PXDNL: variants seen among roughly 807,000 people sequenced by gnomAD.
PXDNL encodes the protein probable oxidoreductase PXDNL.
PXDNL carries 145 observed loss-of-function variants against 150.8 expected under a neutral mutation model. That is an observed-to-expected ratio of 0.96 (90% confidence interval 0.84 to 1.10). The LOEUF (loss-of-function observed/expected upper bound fraction) is 1.10. Ranked by LOEUF, PXDNL falls within the 50% of genes least tolerant of loss-of-function variation. The probability of loss-of-function intolerance (pLI) is 0.00; values close to 1 mark genes in which losing one functional copy is unlikely to be tolerated. For synonymous variants in PXDNL, 757 were observed against 725.7 expected (o/e 1.04, Z -0.69); for missense variants, 2,087 against 1,873.9 (o/e 1.11, Z -2.10).
intron 1 of PXDNL, among the ~76,000 whole-genome samples, chr8:51,773,684 T>A (rs1232750087): frequency 6.6e-6 from 1 of 152,270 alleles, no homozygotes; most frequent in South Asian, 2.1e-4. Flanking sequence ...GCTACAGTTT[T>A]ACAATGCTAG....
chr8:51,551,362 C>G (rs78848581), intron 4 of PXDNL, among the ~76,000 whole-genome samples: 1 of 151,852 alleles, frequency 6.6e-6, no homozygotes. Flanking sequence ...AAAGAGCCCA[C>G]AAAAGCAAGA....
chr8:51,600,306 GGTTTAGATAATAAATTATATCTTA>G (rs1813672835), intron 2 of PXDNL, among the ~76,000 whole-genome samples: 1 of 72,182 alleles, frequency 1.4e-5, no homozygotes, highest in Non-Finnish European at 2.3e-5. Context: ...TAAATTATAT[GGTTTAGATAATAAATTATATCTTA>G]TATAAATTAT....
At chr8:51,723,091 A>G (rs1278025579) in intron 1 of PXDNL, among the ~76,000 whole-genome samples, 1 of 152,180 alleles carries the variant, frequency 6.6e-6, no homozygotes, top group African/African-American at 2.4e-5. Context: ...CAATAAAAAA[A>G]GAAAAGAAAA....
chr8:51,752,921 T>C (rs1227656516), intron 1 of PXDNL, among the ~76,000 whole-genome samples: 4 of 152,154 alleles, frequency 2.6e-5, no homozygotes, highest in African/African-American at 4.8e-5. Flanking sequence ...GGCACAAATG[T>C]CTACAAATGG....
intron 1 of PXDNL, among the ~76,000 whole-genome samples, chr8:51,784,117 A>ACTGTAAAGT (rs1221600492): frequency 6.6e-6 from 1 of 152,248 alleles, no homozygotes; most frequent in Non-Finnish European, 1.5e-5. Context: ...AGTTTAGCAA[A>ACTGTAAAGT]CTGTAAAGTC....
chr8:51,542,890 T>C (rs1280281774), intron 4 of PXDNL, among the ~76,000 whole-genome samples: 1 of 152,150 alleles, frequency 6.6e-6, no homozygotes, highest in Non-Finnish European at 1.5e-5. Flanking sequence ...AAGAATTAAG[T>C]TAGTGATACG....
At chr8:51,430,085 C>T (rs556352024) in intron 12 of PXDNL, among the ~76,000 whole-genome samples, 7 of 152,262 alleles carry the variant, frequency 4.6e-5, no homozygotes, top group African/African-American at 1.4e-4. Flanking sequence ...GTCTGATGTC[C>T]TTTATCGCCA....
intron 5 of PXDNL, among the ~76,000 whole-genome samples, chr8:51,485,025 C>G (rs1810697550): frequency 6.6e-6 from 1 of 152,186 alleles, no homozygotes; most frequent in Non-Finnish European, 1.5e-5. Flanking sequence ...TAACTATTAG[C>G]TACATCCAGC....
intron 19 of PXDNL, among the ~76,000 whole-genome samples, chr8:51,370,600 A>T (rs1244399667): frequency 1.3e-5 from 2 of 152,130 alleles, no homozygotes; most frequent in East Asian, 3.9e-4. Context: ...TGAAAAAGAC[A>T]ACCGTGACTC....
intron 1 of PXDNL, among the ~76,000 whole-genome samples, chr8:51,783,028 T>C (rs759745757): frequency 6.6e-6 from 1 of 152,214 alleles, no homozygotes; most frequent in Non-Finnish European, 1.5e-5. Flanking sequence ...TATCCAGACA[T>C]GCATACAATT....
intron 17 of PXDNL, among the ~76,000 whole-genome samples, chr8:51,378,627 C>A (rs60457676): frequency 0.036 from 5,424 of 152,320 alleles, 328 homozygotes; most frequent in African/African-American, 0.12. Flanking sequence ...CTGCTGCTCA[C>A]TCTTTGGGTG....
intron 2 of PXDNL, among the ~76,000 whole-genome samples, chr8:51,615,589 G>A (rs901179349): frequency 6.6e-6 from 1 of 152,128 alleles, no homozygotes; most frequent in African/African-American, 2.4e-5. Flanking sequence ...AAATCTATAT[G>A]AGGGATTGCA....
chr8:51,719,976 A>C (rs1467624116), intron 1 of PXDNL, among the ~76,000 whole-genome samples: 1 of 152,110 alleles, frequency 6.6e-6, no homozygotes, highest in Non-Finnish European at 1.5e-5. Flanking sequence ...AGCAGAGCCA[A>C]AGGAACTGAG....
At chr8:51,446,001 T>G (rs1005665608) in intron 12 of PXDNL, among the ~76,000 whole-genome samples, 1 of 151,362 alleles carries the variant, frequency 6.6e-6, no homozygotes, top group African/African-American at 2.4e-5. Flanking sequence ...AAAAAAAAAA[T>G]TTAGTATGTC....
chr8:51,789,528 T>G (rs1008761740), intron 1 of PXDNL, among the ~76,000 whole-genome samples: 2 of 152,202 alleles, frequency 1.3e-5, no homozygotes, highest in Non-Finnish European at 2.9e-5. Flanking sequence ...GGGGATTAAA[T>G]GATTTGCCCA....
chr8:51,339,398 T>G (rs1805923949), intron 21 of PXDNL, among the ~76,000 whole-genome samples: 1 of 152,092 alleles, frequency 6.6e-6, no homozygotes, highest in African/African-American at 2.4e-5. Flanking sequence ...AGGTGGAGGC[T>G]CCAGTGAGCC....
chr8:51,400,563 C>T (rs191802791), intron 17 of PXDNL, among the ~76,000 whole-genome samples: 10 of 152,300 alleles, frequency 6.6e-5, no homozygotes, highest in South Asian at 6.2e-4. Context: ...TAGAGCTGCA[C>T]GCCTTCTAAG....
intron 1 of PXDNL, among the ~76,000 whole-genome samples, chr8:51,727,527 A>C (rs2130927884): frequency 6.6e-6 from 1 of 152,336 alleles, no homozygotes; most frequent in South Asian, 2.1e-4. Context: ...ATTTACTTTG[A>C]GAATATAGAG....
At chr8:51,523,119 C>T (rs79904444) in intron 4 of PXDNL, among the ~76,000 whole-genome samples, 3,656 of 152,030 alleles carry the variant, frequency 0.024, 149 homozygotes, top group African/African-American at 0.083. Flanking sequence ...AAGTATCCTG[C>T]GGTTTAAGAA....
Sources: gnomAD v4.1 joint callset for allele counts (sites outside exome capture counted in the v4.1 genomes callset) on GRCh38, gnomAD v4.1.1 for gene constraint, MANE v1.5 for transcripts, NCBI Gene and HGNC (gene_info 2026-07-23, HGNC 2026-07-21) for gene names.